SLC6A3: variants seen among roughly 807,000 people sequenced by gnomAD.
SLC6A3 encodes sodium-dependent dopamine transporter.
A neutral mutation model predicts 70.4 loss-of-function variants in SLC6A3; 19 were observed. That is an observed-to-expected ratio of 0.27 (90% CI 0.19 to 0.40). SLC6A3 has a LOEUF of 0.40. Among genes scored for constraint, SLC6A3 ranks in the 10% least tolerant of loss-of-function variants. SLC6A3 has a pLI of 1.00. For missense variants in SLC6A3, 613 were observed against 838.5 expected, an observed-to-expected ratio of 0.73 and a Z score of 3.32; for synonymous variants, 368 against 356.6, an observed-to-expected ratio of 1.03 and a Z score of -0.36.
At position 1,413,921 on chromosome 5, in the gene SLC6A3, G is replaced by A. The variant is rs866085235; in HGVS notation, c.1156+770C>T. Reference sequence around the variant, plus strand: ...CCGTCCTGCCGGCTCCATCCTGCCTGGCACACTTCTTGCTGTGGCCAAGGC... The same window carrying A: ...CCGTCCTGCCGGCTCCATCCTGCCTAGCACACTTCTTGCTGTGGCCAAGGC... On this transcript the variant is annotated intron_variant, in intron 8 of 14. Transcript: ENST00000270349. The surrounding 1 kb of genome is among the most constrained non-coding windows in gnomAD (Gnocchi z 7.1). Among the ~76,000 whole-genome samples the A allele has an allele frequency of 3.9e-5, 6 of 152,184 alleles. No homozygotes were observed. Among genetic ancestry groups the A allele is most frequent in the South Asian group, 4.1e-4 (2 of 4,828 alleles).
At chr5:1,410,836 G>A (rs1380833470) in intron 9 of SLC6A3, among the ~76,000 whole-genome samples, 1 of 151,934 alleles carries the variant, frequency 6.6e-6, no homozygotes, top group Non-Finnish European at 1.5e-5. Context: ...GTGCATGTGT[G>A]TGTTCGTGTG....
At chr5:1,415,880 C>T (rs1017027018) in intron 7 of SLC6A3, among the ~76,000 whole-genome samples, 1 of 152,154 alleles carries the variant, frequency 6.6e-6, no homozygotes, top group Non-Finnish European at 1.5e-5. Flanking sequence ...TCCCAGGAGG[C>T]GACACACCCA....
chr5:1,428,623 G>A (rs1481212037), intron 4 of SLC6A3, among the ~76,000 whole-genome samples: 1 of 152,198 alleles, frequency 6.6e-6, no homozygotes, highest in Non-Finnish European at 1.5e-5. Flanking sequence ...GAAGGAAGTG[G>A]CAATGCAGGA....
At position 1,432,330 on chromosome 5, in the gene SLC6A3, G is replaced by A. The variant is rs529788091; in HGVS notation, c.653+134C>T. 4.7e-5 allele frequency: 34 copies of A among 722,858 alleles called. 3 individuals carry two copies. The South Asian group carries it at 4.9e-4, about 10-fold the overall frequency. The allele number at this position is 722,858 out of a possible 1,614,324, so 44.8% of individuals were successfully genotyped here. ...AATGTGCCCCTCCAGAGCACTAAAG[G>A]GATGGAGTGCAGGAACAGATTCCCC... On this transcript the variant is annotated intron_variant, in intron 4 of 14. Coordinates refer to ENST00000270349, the MANE Select transcript of SLC6A3 (RefSeq NM_001044.5).
chr5:1,394,717 T>C lies in SLC6A3; in HGVS notation c.*18A>G. The C allele has an allele frequency of 6.2e-7, 1 of 1,613,598 alleles. No homozygotes were observed. Among genetic ancestry groups the C allele is most frequent in the Middle Eastern group, 1.6e-4 (1 of 6,062 alleles). Reference sequence around the variant, plus strand: ...CCCATTGCAGGATGACTTCCTGGGGTCTTCGTCTCTGCTCCCTCTACACCT... The same window carrying C: ...CCCATTGCAGGATGACTTCCTGGGGCCTTCGTCTCTGCTCCCTCTACACCT... On this transcript the variant is annotated 3_prime_UTR_variant, in exon 15 of 15. Transcript: ENST00000270349. The surrounding 1 kb of genome is among the most constrained non-coding windows in gnomAD (Gnocchi z 4.7).
At chr5:1,432,380 A>G in intron 4 of SLC6A3, 84 bp downstream of exon 4, 1 of 994,810 alleles carries the variant, frequency 1.0e-6, no homozygotes, top group South Asian at 1.3e-5. Context: ...GGAGTCAGCA[A>G]GGGCTGGTGT....
At position 1,401,438 on chromosome 5, in the gene SLC6A3, C is replaced by T. The variant is rs1236814505; in HGVS notation, c.1768-452G>A. 2.4e-5 allele frequency: 9 copies of T among 379,460 alleles called. No individual in the cohort carries two copies. The highest frequency in any genetic ancestry group is 1.4e-4 in the East Asian group (2 of 13,992). 23.5% of individuals were successfully genotyped at this position (379,460 alleles called of 1,614,324 possible). On this transcript the variant is annotated intron_variant, in intron 13 of 14. Transcript: ENST00000270349. The surrounding 1 kb of genome is among the most constrained non-coding windows in gnomAD (Gnocchi z 6.1). ...CACCTGCAGCTCTTGGGAGAGTGAACGCTGAACGTGCCTTCCTTCCACTGC... is the reference window on the plus strand; with the variant it reads ...CACCTGCAGCTCTTGGGAGAGTGAATGCTGAACGTGCCTTCCTTCCACTGC...
chr5:1,398,225 G>T (rs1755767292), intron 14 of SLC6A3, among the ~76,000 whole-genome samples: 1 of 152,084 alleles, frequency 6.6e-6, no homozygotes, highest in Non-Finnish European at 1.5e-5. Flanking sequence ...TCCAGGTGTG[G>T]TGCTGGGCAC....
At chr5:1,417,937 G>A (rs920324759) in intron 6 of SLC6A3, among the ~76,000 whole-genome samples, 1 of 152,230 alleles carries the variant, frequency 6.6e-6, no homozygotes, top group African/African-American at 2.4e-5. Context: ...CAGAGGGGGC[G>A]GGGCCCTCTG....
At chr5:1,422,055 C>A in intron 4 of SLC6A3, 41 bp from the exon 5 acceptor site, 2 of 1,599,742 alleles carry the variant, frequency 1.3e-6, no homozygotes, top group Non-Finnish European at 8.5e-7. Context: ...GGGTGGCTGT[C>A]AACCCACCTG....
At position 1,425,630 on chromosome 5, in the gene SLC6A3, G is replaced by A. The variant is rs250685; in HGVS notation, c.654-3616C>T. Reference sequence around the variant, plus strand: ...TTTCACAATCTTGGACTTGGCAATGGTTTCTTAGATATGACACAAAAGATG... The same window carrying A: ...TTTCACAATCTTGGACTTGGCAATGATTTCTTAGATATGACACAAAAGATG... On this transcript the variant is annotated intron_variant, in intron 4 of 14. Coordinates refer to ENST00000270349, the MANE Select transcript of SLC6A3 (RefSeq NM_001044.5). Among the ~76,000 whole-genome samples, 1,099 of 152,266 alleles carry A rather than the reference G, an allele frequency of 7.2e-3. 14 individuals carry two copies. The highest frequency in any genetic ancestry group is 0.024 in the African/African-American group (992 of 41,534).
intron 6 of SLC6A3, 58 bp from the exon 7 acceptor site, chr5:1,416,259 G>A: frequency 7.7e-7 from 1 of 1,293,170 alleles, no homozygotes; most frequent in Non-Finnish European, 1.1e-6. Context: ...CACAGGCAAA[G>A]GACCTGAGCA....
At position 1,402,086 on chromosome 5, in the gene SLC6A3, T is replaced by C. The variant is rs1755864554; in HGVS notation, c.1767+836A>G. On this transcript the variant is annotated intron_variant, in intron 13 of 14. Coordinates refer to ENST00000270349, the MANE Select transcript of SLC6A3 (RefSeq NM_001044.5). The surrounding 1 kb of genome is among the most constrained non-coding windows in gnomAD (Gnocchi z 8.5). ...GAGCCCAGGGGACACCGTGTGGCCC[T>C]AAGGTGGAATCCTTGAACACAGCTG... Among the ~76,000 whole-genome samples the C allele has an allele frequency of 3.3e-5, 5 of 152,200 alleles. No individual in the cohort carries two copies. The highest frequency in any genetic ancestry group is 3.3e-4 in the Admixed American group (5 of 15,286).
intron 3 of SLC6A3, among the ~76,000 whole-genome samples, chr5:1,433,101 G>A (rs1325174697): frequency 6.6e-6 from 1 of 152,070 alleles, no homozygotes; most frequent in Non-Finnish European, 1.5e-5. Context: ...CAGCCACTCA[G>A]GATCCATAAG....
rs1755851074 is a variant in SLC6A3 at position 1,401,516 on chromosome 5, C to T, written c.1768-530G>A. Reference sequence around the variant, plus strand: ...CAGCACCAAGTCCTCCCAGAGCAGGCAGCATCTTCAGGAGCTCACCCTCTC... The same window carrying T: ...CAGCACCAAGTCCTCCCAGAGCAGGTAGCATCTTCAGGAGCTCACCCTCTC... On this transcript the variant is annotated intron_variant, in intron 13 of 14. Transcript: ENST00000270349. This position sits in a 1 kb window ranked among gnomAD's most constrained non-coding sequence, Gnocchi z 6.1. Among the ~76,000 whole-genome samples the T allele has an allele frequency of 1.3e-5, 2 of 152,192 alleles. No individual in the cohort carries two copies. The highest frequency in any genetic ancestry group is 4.8e-5 in the African/African-American group (2 of 41,452).
rs1482487523 is a variant in SLC6A3 at position 1,394,440 on chromosome 5, CACAG to C, written c.*291_*294del. The C allele has an allele frequency of 7.2e-6, 4 of 555,186 alleles. No homozygotes were observed. The highest frequency in any genetic ancestry group is 5.7e-5 in the African/African-American group (3 of 52,854). The allele number at this position is 555,186 out of a possible 1,614,324, so 34.4% of individuals were successfully genotyped here. ...GGGAGCAGGGAGGGAGGGAGCCTCA[CACAG>C]ACAGCATGAAGTTAGACGTTTTTCT... On this transcript the variant is annotated 3_prime_UTR_variant, in exon 15 of 15. Transcript: ENST00000270349. The surrounding 1 kb of genome is among the most constrained non-coding windows in gnomAD (Gnocchi z 4.7).
rs1435507725 is a variant in SLC6A3 at position 1,437,640 on chromosome 5, A to C, written c.418+3719T>G. Among the ~76,000 whole-genome samples, 1 of 152,210 alleles carries C rather than the reference A, an allele frequency of 6.6e-6. No homozygotes were observed. Among genetic ancestry groups the C allele is most frequent in the Non-Finnish European group, 1.5e-5 (1 of 68,038 alleles). ...AAATGCACGTGAGTCATGGCTGCTG[A>C]GCAGCTGGGCCTCACCATGAACTCC... is the stretch of plus-strand genomic sequence containing the variant. On this transcript the variant is annotated intron_variant, in intron 3 of 14. Coordinates refer to ENST00000270349, the MANE Select transcript of SLC6A3 (RefSeq NM_001044.5). The surrounding 1 kb of genome is among the most constrained non-coding windows in gnomAD (Gnocchi z 4.8).
At chr5:1,422,450 A>G (rs866292247) in intron 4 of SLC6A3, among the ~76,000 whole-genome samples, 4,371 of 73,914 alleles carry the variant, frequency 0.059, 295 homozygotes, top group Non-Finnish European at 0.074. Flanking sequence ...CGCTGCCCAC[A>G]GTGCTGCCCA....
At chr5:1,409,444 C>G (rs1756061546) in intron 10 of SLC6A3, among the ~76,000 whole-genome samples, 1 of 152,178 alleles carries the variant, frequency 6.6e-6, no homozygotes. Flanking sequence ...TGCCACCACA[C>G]CCCCAGCGTC....
Sources: gnomAD v4.1 joint callset for allele counts (sites outside exome capture counted in the v4.1 genomes callset) on GRCh38, gnomAD v4.1.1 for gene constraint, Gnocchi (gnomAD v3.1) non-coding constraint, MANE v1.5 for transcripts, NCBI Gene and HGNC (gene_info 2026-07-23, HGNC 2026-07-21) for gene names.